Variants in IQCJ observed in about 807,000 individuals in gnomAD.
IQCJ encodes the protein IQ domain-containing protein J.
IQCJ carries 9 observed loss-of-function variants against 11.0 expected under a neutral mutation model. The observed-to-expected ratio is 0.82, with a 90% CI of 0.49 to 1.43. The LOEUF is 1.43. Ranked by LOEUF, IQCJ falls within the 40% of genes most tolerant of loss-of-function variation. The probability of loss-of-function intolerance (pLI) is 0.00; values close to 1 mark genes in which losing one functional copy is unlikely to be tolerated. For missense variants in IQCJ, 146 were observed against 133.2 expected (o/e 1.10, Z -0.47); for synonymous variants, 55 against 51.3 (o/e 1.07, Z -0.31).
chr3:159,206,694 A>G (rs949782734), intron 1 of IQCJ, among the ~76,000 whole-genome samples: 26 of 152,238 alleles, frequency 1.7e-4, no homozygotes, highest in African/African-American at 6.0e-4. Context: ...CCCAAGACCT[A>G]ATTCTTAAGC....
intron 1 of IQCJ, among the ~76,000 whole-genome samples, chr3:159,071,992 T>G (rs1715594741): frequency 6.6e-6 from 1 of 152,116 alleles, no homozygotes; most frequent in African/African-American, 2.4e-5. Context: ...CATCCATAGC[T>G]GAAAATATTC....
At chr3:159,199,711 C>T (rs896063264) in intron 1 of IQCJ, among the ~76,000 whole-genome samples, 5 of 152,174 alleles carry the variant, frequency 3.3e-5, no homozygotes, top group Admixed American at 3.3e-4. Flanking sequence ...TCTGAAAGAG[C>T]TAAAACCTTA....
rs7646725 is a variant in IQCJ, at chr3:159,148,866, G to A, written c.9+79425G>A. Among the ~76,000 whole-genome samples the A allele has an allele frequency of 9.5e-3, 1,450 of 152,208 alleles. 29 individuals carry two copies. The highest frequency in any genetic ancestry group is 0.032 in the African/African-American group (1,346 of 41,532). ...GCTTTCAGGAAAATTCAAATGTGCC[G>A]CATCCACTCCTTCAGGTGCCTCTGA... On this transcript the variant is annotated intron_variant, in intron 1 of 3. Coordinates refer to ENST00000397832, the MANE Select transcript of IQCJ (RefSeq NM_001042706.3).
At chr3:159,088,375 C>G (rs1362332784) in intron 1 of IQCJ, among the ~76,000 whole-genome samples, 2 of 151,928 alleles carry the variant, frequency 1.3e-5, no homozygotes, top group Non-Finnish European at 2.9e-5. Context: ...TGGTGTGGTG[C>G]TGAAAAAAAT....
intron 1 of IQCJ, among the ~76,000 whole-genome samples, chr3:159,216,627 T>C (rs1276272147): frequency 6.6e-6 from 1 of 152,208 alleles, no homozygotes; most frequent in Non-Finnish European, 1.5e-5. Context: ...CATTGCCTAA[T>C]TTTCTGTTCA....
intron 1 of IQCJ, among the ~76,000 whole-genome samples, chr3:159,212,322 C>T (rs9853995): frequency 0.32 from 49,229 of 151,852 alleles, 8,199 homozygotes; most frequent in Middle Eastern, 0.39. Context: ...TGGTCCTATG[C>T]CAGTCAACCT....
At chr3:159,258,458 A>C (rs1728021814) in intron 3 of IQCJ, among the ~76,000 whole-genome samples, 2 of 152,126 alleles carry the variant, frequency 1.3e-5, no homozygotes, top group African/African-American at 4.8e-5. Context: ...AAAACCAATG[A>C]AAAGGAGAAA....
intron 1 of IQCJ, among the ~76,000 whole-genome samples, chr3:159,169,395 C>T (rs1217460728): frequency 6.7e-6 from 1 of 149,208 alleles, no homozygotes; most frequent in Non-Finnish European, 1.5e-5. Context: ...AAGCAGTTCT[C>T]CTCCCTCAGC....
intron 1 of IQCJ, among the ~76,000 whole-genome samples, chr3:159,159,803 C>G (rs551470010): frequency 6.6e-6 from 1 of 151,912 alleles, no homozygotes; most frequent in Non-Finnish European, 1.5e-5. Context: ...GAGCCCACAA[C>G]TTTCCCTCTC....
At chr3:159,112,393 C>T (rs549717222) in intron 1 of IQCJ, among the ~76,000 whole-genome samples, 1 of 152,252 alleles carries the variant, frequency 6.6e-6, no homozygotes, top group South Asian at 2.1e-4. Flanking sequence ...AATCAGTTTT[C>T]TTGAAACACA....
At chr3:159,245,507 G>C (rs565398375) in intron 1 of IQCJ, among the ~76,000 whole-genome samples, 27 of 143,098 alleles carry the variant, frequency 1.9e-4, no homozygotes, top group Non-Finnish European at 1.5e-5. Flanking sequence ...TGTCGCCCAG[G>C]CTGGAGTGCA....
intron 1 of IQCJ, among the ~76,000 whole-genome samples, chr3:159,142,734 A>C (rs1451879765): frequency 6.6e-6 from 1 of 152,022 alleles, no homozygotes; most frequent in African/African-American, 2.4e-5. Flanking sequence ...CAGGTCTTTT[A>C]TTTTATTTTA....
chr3:159,249,135 C>T (rs549124720), intron 2 of IQCJ, among the ~76,000 whole-genome samples: 269 of 152,220 alleles, frequency 1.8e-3, no homozygotes, highest in African/African-American at 5.9e-3. Flanking sequence ...GGATTACAGA[C>T]GTGAGCCACT....
intron 1 of IQCJ, among the ~76,000 whole-genome samples, chr3:159,088,026 G>A (rs925416724): frequency 1.3e-5 from 2 of 151,816 alleles, no homozygotes; most frequent in African/African-American, 2.4e-5. Flanking sequence ...GTCAATTTTA[G>A]ATCTTTCCTG....
chr3:159,075,733 G>A (rs1468773764), intron 1 of IQCJ, among the ~76,000 whole-genome samples: 1 of 152,112 alleles, frequency 6.6e-6, no homozygotes, highest in Non-Finnish European at 1.5e-5. Flanking sequence ...TTAGGGAAGC[G>A]ATCTGTATGG....
intron 3 of IQCJ, among the ~76,000 whole-genome samples, chr3:159,260,960 CA>C (rs1422120888): frequency 2.0e-5 from 3 of 152,240 alleles, no homozygotes; most frequent in Non-Finnish European, 2.9e-5. Context: ...GCTACTGACC[CA>C]AAAGTATTGT....
At chr3:159,090,457 T>C (rs116713876) in intron 1 of IQCJ, among the ~76,000 whole-genome samples, 2 of 151,868 alleles carry the variant, frequency 1.3e-5, no homozygotes, top group South Asian at 2.1e-4. Context: ...TTGTACAAGA[T>C]TGTTGGATGC....
chr3:159,215,378 G>A (rs1725170362), intron 1 of IQCJ, among the ~76,000 whole-genome samples: 1 of 152,126 alleles, frequency 6.6e-6, no homozygotes, highest in African/African-American at 2.4e-5. Context: ...AGGTCAGAAA[G>A]TTCTTTCTGC....
intron 1 of IQCJ, among the ~76,000 whole-genome samples, chr3:159,150,702 G>A: frequency 6.6e-6 from 1 of 152,070 alleles, no homozygotes; most frequent in South Asian, 2.1e-4. Context: ...GTAGTACTCA[G>A]CACACAGTAA....
Sources: allele counts gnomAD v4.1 joint callset (sites outside exome capture counted in the v4.1 genomes callset), GRCh38; gene constraint gnomAD v4.1.1; transcripts MANE v1.5; gene names NCBI Gene and HGNC (gene_info 2026-07-23, HGNC 2026-07-21).